The following LRRFIP1 variants were observed in gnomAD, a reference collection of about 807,000 sequenced individuals.
The protein encoded by LRRFIP1 is LRR binding FLII interacting protein 1.
A neutral mutation model predicts 104.4 loss-of-function variants in LRRFIP1; 62 were observed. That is an observed-to-expected ratio of 0.59 (90% CI 0.48 to 0.73). The LOEUF (loss-of-function observed/expected upper bound fraction) is 0.73. Among genes scored for constraint, LRRFIP1 ranks in the 30% least tolerant of loss-of-function variants. The probability of loss-of-function intolerance (pLI) is 0.00; values close to 1 mark genes in which losing one functional copy is unlikely to be tolerated. For missense variants in LRRFIP1, 796 were observed against 824.5 expected, an observed-to-expected ratio of 0.97 and a Z score of 0.42; for synonymous variants, 300 against 299.0, an observed-to-expected ratio of 1.00 and a Z score of -0.03.
intron 14 of LRRFIP1, among the ~76,000 whole-genome samples, chr2:237,752,892 C>T (rs896410252): frequency 1.3e-5 from 2 of 152,218 alleles, no homozygotes; most frequent in African/African-American, 4.8e-5. Context: ...AGCCATCACA[C>T]ACTGGCTCTT....
intron 1 of LRRFIP1, among the ~76,000 whole-genome samples, chr2:237,674,474 T>C (rs2090839696): frequency 6.6e-6 from 1 of 152,354 alleles, no homozygotes; most frequent in African/African-American, 2.4e-5. Context: ...GAATGGCATG[T>C]GTTTGTCCTC....
intron 1 of LRRFIP1, chr2:237,692,141 A>AGCTGCGTGGGGGGCGGGGCGG: frequency 1.0e-6 from 1 of 955,814 alleles, no homozygotes; most frequent in African/African-American, 2.2e-5. Flanking sequence ...TCCGAGGCGG[A>AGCTGCGTGGGGGGCGGGGCGG]ACTGCGTGGG....
chr2:237,752,412 G>GA (rs2058732643), intron 14 of LRRFIP1, among the ~76,000 whole-genome samples: 1 of 152,204 alleles, frequency 6.6e-6, no homozygotes, highest in African/African-American at 2.4e-5. Flanking sequence ...TTTCAAAAAA[G>GA]AAAAAATGCT....
intron 1 of LRRFIP1, among the ~76,000 whole-genome samples, chr2:237,630,513 G>A (rs537586783): frequency 6.0e-4 from 92 of 152,350 alleles, no homozygotes; most frequent in African/African-American, 2.1e-3. Flanking sequence ...GATATAAAAA[G>A]GGCGTAGACA....
chr2:237,718,188 C>T (rs1189055503), intron 4 of LRRFIP1, among the ~76,000 whole-genome samples: 1 of 152,236 alleles, frequency 6.6e-6, no homozygotes, highest in East Asian at 1.9e-4. Flanking sequence ...AGAACATTCC[C>T]ATTGGCTTCG....
intron 20 of LRRFIP1, chr2:237,770,302 A>G (rs2060507701): frequency 3.5e-6 from 1 of 288,700 alleles, no homozygotes; most frequent in Admixed American, 4.6e-5. Context: ...TATTAATAAT[A>G]TTAATGATTA....
intron 11 of LRRFIP1, 72 bp downstream of exon 11, chr2:237,739,381 A>G (rs2095347283): frequency 1.6e-6 from 2 of 1,283,236 alleles, no homozygotes. Flanking sequence ...CTCCTCTTCC[A>G]ACGTCTCCAA....
At chr2:237,760,778 G>C (rs9973826) in intron 19 of LRRFIP1, among the ~76,000 whole-genome samples, 1 of 152,098 alleles carries the variant, frequency 6.6e-6, no homozygotes, top group Non-Finnish European at 1.5e-5. Flanking sequence ...TGGGTGTGGC[G>C]GTGCTGAGAG....
chr2:237,730,613 G>A (rs1254674304), intron 8 of LRRFIP1, among the ~76,000 whole-genome samples: 2 of 152,120 alleles, frequency 1.3e-5, no homozygotes, highest in Non-Finnish European at 1.5e-5. Context: ...AAAGATGTGA[G>A]CTGAACCTTA....
Position 237,774,338 on chromosome 2 carries a change from G to GT in LRRFIP1, c.1708-12dup, listed in dbSNP as rs764914481. 7.9e-5 allele frequency: 116 copies of GT among 1,470,434 alleles called. No individual in the cohort carries two copies. The highest frequency in any genetic ancestry group is 2.5e-4 in the African/African-American group (18 of 71,228). 91.1% of individuals were successfully genotyped at this position (1,470,434 alleles called of 1,614,324 possible). On this transcript the variant is annotated intron_variant, in intron 22 of 23. Coordinates refer to ENST00000308482, the MANE Select transcript of LRRFIP1 (RefSeq NM_001137550.2). ...ACAGGCTTATCAATTTATACATATGGTTTTTTTTCTACCTTTTAGGTAATA... is the reference window on the plus strand; with the variant it reads ...ACAGGCTTATCAATTTATACATATGGTTTTTTTTTCTACCTTTTAGGTAATA...
At chr2:237,648,372 T>C (rs1293981590) in intron 1 of LRRFIP1, among the ~76,000 whole-genome samples, 3 of 152,000 alleles carry the variant, frequency 2.0e-5, no homozygotes, top group Admixed American at 1.3e-4. Flanking sequence ...GCTGAAATTA[T>C]GTGGCACACA....
Position 237,739,283 on chromosome 2 carries a change from G to A in LRRFIP1, c.607G>A (p.Ala203Thr). 6.4e-7 allele frequency: 1 copy of A among 1,562,694 alleles called. No homozygotes were observed. Among genetic ancestry groups the A allele is most frequent in the African/African-American group, 1.4e-5 (1 of 73,740 alleles). ...LNSSSRASSRASSARASPVVE... is the reference protein window; with the variant it reads ...LNSSSRASSRTSSARASPVVE... ...CTCCAGCTCCCGCGCCTCCTCCAGG[G>A]CCAGCTCGGCCCGGGCCAGCCCTGT... Residue 203 changes from alanine to threonine, a missense_variant, in exon 11 of 24, where the codon GCC becomes ACC. Coordinates refer to ENST00000308482, the MANE Select transcript of LRRFIP1 (RefSeq NM_001137550.2).
chr2:237,700,628 G>A (rs111940917), intron 1 of LRRFIP1, among the ~76,000 whole-genome samples: 6,026 of 151,898 alleles, frequency 0.04, 428 homozygotes, highest in African/African-American at 0.14. Context: ...GAACAGCCCC[G>A]TGGGGCGTCA....
chr2:237,693,986 T>C (rs2092993515), intron 1 of LRRFIP1, among the ~76,000 whole-genome samples: 1 of 152,200 alleles, frequency 6.6e-6, no homozygotes, highest in South Asian at 2.1e-4. Context: ...AGTTATGTGA[T>C]CAGCCCAGGC....
chr2:237,734,673 A>G (rs898380494), intron 9 of LRRFIP1, among the ~76,000 whole-genome samples: 5 of 152,206 alleles, frequency 3.3e-5, no homozygotes, highest in Admixed American at 2.6e-4. Flanking sequence ...TCAAGGGAAA[A>G]TAGGGAAATT....
intron 1 of LRRFIP1, among the ~76,000 whole-genome samples, chr2:237,689,893 C>T (rs568261829): frequency 3.9e-5 from 6 of 152,198 alleles, no homozygotes; most frequent in Non-Finnish European, 7.3e-5. Flanking sequence ...GCGGGATCCC[C>T]GTGTTAGAGC....
At chr2:237,743,134 G>A (rs577976697) in intron 11 of LRRFIP1, among the ~76,000 whole-genome samples, 12 of 152,270 alleles carry the variant, frequency 7.9e-5, no homozygotes, top group Non-Finnish European at 1.3e-4. Flanking sequence ...CTCCCAGGCC[G>A]GGGACTTCGT....
intron 1 of LRRFIP1, among the ~76,000 whole-genome samples, chr2:237,670,955 C>T (rs916481421): frequency 4.6e-5 from 7 of 152,188 alleles, no homozygotes; most frequent in African/African-American, 1.7e-4. Context: ...CCACGGAGGT[C>T]GTGAAGATGA....
chr2:237,667,823 C>T (rs912630496), intron 1 of LRRFIP1, among the ~76,000 whole-genome samples: 13 of 152,150 alleles, frequency 8.5e-5, no homozygotes, highest in African/African-American at 2.7e-4. Context: ...GCCCAGCCCC[C>T]GAGCCCTGTA....
Sources: gnomAD v4.1 joint callset for allele counts (sites outside exome capture counted in the v4.1 genomes callset) on GRCh38, gnomAD v4.1.1 for gene constraint, MANE v1.5 for transcripts, NCBI Gene and HGNC (gene_info 2026-07-23, HGNC 2026-07-21) for gene names.